Variants in LCMT2 observed in about 807,000 individuals in gnomAD.
The protein encoded by LCMT2 is tRNA wybutosine-synthesizing protein 4.
In LCMT2, 34 loss-of-function variants were observed where a neutral mutation model predicts 42.0. That is an observed-to-expected ratio of 0.81 (90% CI 0.62 to 1.08). LCMT2 has a LOEUF of 1.08. Ranked by LOEUF, LCMT2 falls within the 50% of genes least tolerant of loss-of-function variation. The probability of loss-of-function intolerance (pLI) is 0.00; values close to 1 mark genes in which losing one functional copy is unlikely to be tolerated. For missense variants in LCMT2, 1,091 were observed against 889.4 expected, an observed-to-expected ratio of 1.23 and a Z score of -2.88; for synonymous variants, 445 against 369.5, an observed-to-expected ratio of 1.20 and a Z score of -2.34.
chr15:43,329,901 C>G lies in LCMT2; in HGVS notation c.589G>C (p.Glu197Gln), dbSNP rs1393745037. 6.2e-7 allele frequency: 1 copy of G among 1,613,062 alleles called. No individual in the cohort carries two copies. Among genetic ancestry groups the G allele is most frequent in the East Asian group, 2.2e-5 (1 of 44,864 alleles). Residue 197 changes from glutamate (E) to glutamine (Q), a missense_variant, in exon 1 of 1, where the codon GAG (glutamate) becomes CAG (glutamine). Coordinates refer to ENST00000305641, the MANE Select transcript of LCMT2 (RefSeq NM_014793.5). ...CAGGCGATGAGGGCCGCGGCACTCTCCGGCTCGAGGTAGGTCAGCACCGCC... is the reference window on the plus strand; with the variant it reads ...CAGGCGATGAGGGCCGCGGCACTCTGCGGCTCGAGGTAGGTCAGCACCGCC... ...AEAVLTYLEP[E>Q]SAAALIAWAA... is the part of the protein sequence containing the mutation.
At position 43,328,913 on chromosome 15, in the gene LCMT2, A is replaced by C. The variant is rs967954927; in HGVS notation, c.1577T>G (p.Val526Gly). Residue 526 changes from valine (V) to glycine (G), a missense_variant, in exon 1 of 1, where the codon GTG becomes GGG. Val to Gly is a moderately radical substitution (Grantham distance 109). Coordinates refer to ENST00000305641, the MANE Select transcript of LCMT2 (RefSeq NM_014793.5). Reference sequence around the variant, plus strand: ...CCGGGCTTCAGGTACTTCTCCCTCCACTGGGATCCTGACCCAAGCCATTGT... The same window carrying C: ...CCGGGCTTCAGGTACTTCTCCCTCCCCTGGGATCCTGACCCAAGCCATTGT... ...VGTMAWVRIP[V>G]EGEVPEARHS... 1.9e-6 allele frequency: 3 copies of C among 1,613,866 alleles called. No individual in the cohort carries two copies. The African/African-American group carries it at 4.0e-5, about 22-fold the overall frequency.
At position 43,328,533 on chromosome 15, in the gene LCMT2, G is replaced by A. The variant is rs946538066; in HGVS notation, c.1957C>T (p.Gln653Ter). 1 of 1,614,094 alleles carries A rather than the reference G, an allele frequency of 6.2e-7. No individual in the cohort carries two copies. The highest frequency in any genetic ancestry group is 8.5e-7 in the Non-Finnish European group (1 of 1,180,038). ...HTSILLPEEQ[Q>*]LLLLGGGGNC... ...CCACCACCTCCAAGGAGCAGGAGCT[G>A]TTGCTCTTCAGGAAGAAGGATACTA... is the stretch of plus-strand genomic sequence containing the variant. The change falls in exon 1 of 1, where the codon CAG (glutamine) becomes TAG (stop). Residue 653 changes from glutamine to a stop codon, truncating the protein, a stop_gained. Coordinates refer to ENST00000305641, the MANE Select transcript of LCMT2 (RefSeq NM_014793.5). LOFTEE classifies it high-confidence loss of function.
chr15:43,330,570 A>G lies in LCMT2; in HGVS notation c.-81T>C. 1 of 1,453,024 alleles carries G rather than the reference A, an allele frequency of 6.9e-7. No homozygotes were observed. Among genetic ancestry groups the G allele is most frequent in the Non-Finnish European group, 9.1e-7 (1 of 1,104,256 alleles). The allele number at this position is 1,453,024 out of a possible 1,614,324, so 90.0% of individuals were successfully genotyped here. A position where few individuals can be genotyped will look rare whatever the true frequency, so the allele number is the denominator to read the frequency against. On this transcript the variant is annotated 5_prime_UTR_variant, in exon 1 of 1. Transcript: ENST00000305641. ...TAGCACACACCTCACGGACCTCGGT[A>G]GGGGGAAAAAAACCACCCATGCTCC...
rs2043124869 is a variant in LCMT2, at chr15:43,327,647, G to T, written c.*782C>A. On this transcript the variant is annotated 3_prime_UTR_variant, in exon 1 of 1. Coordinates refer to ENST00000305641, the MANE Select transcript of LCMT2 (RefSeq NM_014793.5). The stretch of plus-strand genomic sequence containing the variant: ...TTCCCCTCTGGTGCCTCTGACTGGT[G>T]GAACTCAACCAAAAAGTAAAGAGAG... 1 of 152,164 alleles carries T rather than the reference G, an allele frequency of 6.6e-6. No individual in the cohort carries two copies. The allele number at this position is 152,164 out of a possible 1,614,324, so 9.4% of individuals were successfully genotyped here.
rs969335619 is a variant in LCMT2 at position 43,330,197 on chromosome 15, C to T, written c.293G>A (p.Arg98His). 1 of 1,611,584 alleles carries T rather than the reference C, an allele frequency of 6.2e-7. No homozygotes were observed. The highest frequency in any genetic ancestry group is 8.5e-7 in the Non-Finnish European group (1 of 1,179,890). Residue 98 changes from arginine to histidine, a missense_variant, in exon 1 of 1, where the codon CGC (arginine) becomes CAC (histidine). Arg to His is a conservative substitution (Grantham distance 29, BLOSUM62 0). Transcript: ENST00000305641. ...LGAGFDSLYF[R>H]LKTAGRLARA... is the part of the protein sequence containing the mutation. ...GGCCAGGCGGCCCGCGGTTTTTAAG[C>T]GAAAATAGAGCGAGTCGAAGCCAGC...
Position 43,330,563 on chromosome 15 carries a change from C to T in LCMT2, c.-74G>A, listed in dbSNP as rs2043181545. 1.4e-6 allele frequency: 2 copies of T among 1,467,190 alleles called. No homozygotes were observed. The highest frequency in any genetic ancestry group is 1.5e-5 in the South Asian group (1 of 68,368). 90.9% of individuals were successfully genotyped at this position (1,467,190 alleles called of 1,614,324 possible). On this transcript the variant is annotated 5_prime_UTR_variant, in exon 1 of 1. Coordinates refer to ENST00000305641, the MANE Select transcript of LCMT2 (RefSeq NM_014793.5). The stretch of plus-strand genomic sequence containing the variant: ...CCTTGGTTAGCACACACCTCACGGA[C>T]CTCGGTAGGGGGAAAAAAACCACCC...
At position 43,328,458 on chromosome 15, in the gene LCMT2, C is replaced by T. The variant is rs554972073; in HGVS notation, c.2032G>A (p.Asp678Asn). The T allele has an allele frequency of 1.2e-6, 2 of 1,614,018 alleles. No individual in the cohort carries two copies. Among genetic ancestry groups the T allele is most frequent in the Non-Finnish European group, 1.7e-6 (2 of 1,179,974 alleles). The stretch of plus-strand genomic sequence containing the variant: ...TGCCCAGCACTTAAGGAAGAAAGGT[C>T]TAATGTGACTGTATGGGGGTTGAAG... ...TYFNPHTVTL[D>N]LSSLSAGQ The change falls in exon 1 of 1, where the codon GAC becomes AAC. Residue 678 changes from aspartate (D) to asparagine (N), a missense_variant. Coordinates refer to ENST00000305641, the MANE Select transcript of LCMT2 (RefSeq NM_014793.5).
chr15:43,330,366 C>G lies in LCMT2; in HGVS notation c.124G>C (p.Val42Leu). 1 of 1,604,604 alleles carries G rather than the reference C, an allele frequency of 6.2e-7. No homozygotes were observed. Among genetic ancestry groups the G allele is most frequent in the Non-Finnish European group, 8.5e-7 (1 of 1,178,478 alleles). ...GGTGCGCGGCGCGCCGCGCCCGGAA[C>G]CAGCAACGCGGCAAAGGGGTCCTGC... ...YVQDPFAALL[V>L]PGAARRAPLI... is the part of the protein sequence containing the mutation. Residue 42 changes from valine to leucine, a missense_variant, in exon 1 of 1, where the codon GTT (valine) becomes CTT (leucine). Coordinates refer to ENST00000305641, the MANE Select transcript of LCMT2 (RefSeq NM_014793.5).
At position 43,329,623 on chromosome 15, in the gene LCMT2, A is replaced by G. The variant is rs1260265287; in HGVS notation, c.867T>C (p.Asn289=). 1.9e-6 allele frequency: 3 copies of G among 1,613,998 alleles called. No homozygotes were observed. The highest frequency in any genetic ancestry group is 2.5e-6 in the Non-Finnish European group (3 of 1,180,004). ...CCTCAAATTCGTCAAAGGGTTCAAT[A>G]TTTTCCACCCGCCGGCGTTCTTCTG... The part of the protein sequence containing the change: ...LPAEERRRVE[N]IEPFDEFEEW... The change falls in exon 1 of 1, where the codon AAT becomes AAC. Residue 289 remains asparagine (N), a synonymous_variant. Transcript: ENST00000305641.
At position 43,330,362 on chromosome 15, in the gene LCMT2, G is replaced by A. The variant is rs1025549028; in HGVS notation, c.128C>T (p.Pro43Leu). The change falls in exon 1 of 1, where the codon CCG (proline) becomes CTG (leucine). Residue 43 changes from proline (P) to leucine (L), a missense_variant. Coordinates refer to ENST00000305641, the MANE Select transcript of LCMT2 (RefSeq NM_014793.5). The part of the protein sequence containing the change: ...VQDPFAALLV[P>L]GAARRAPLIH... Reference sequence around the variant, plus strand: ...GAGCGGTGCGCGGCGCGCCGCGCCCGGAACCAGCAACGCGGCAAAGGGGTC... The same window carrying A: ...GAGCGGTGCGCGGCGCGCCGCGCCCAGAACCAGCAACGCGGCAAAGGGGTC... 2.0e-6 allele frequency: 3 copies of A among 1,529,172 alleles called. No homozygotes were observed. The highest frequency in any genetic ancestry group is 1.1e-5 in the South Asian group (1 of 89,384). 94.7% of individuals were successfully genotyped at this position (1,529,172 alleles called of 1,614,324 possible).
In LCMT2 at chr15:43,330,203, T is replaced by C; in HGVS notation, c.287A>G (p.Tyr96Cys). Residue 96 changes from tyrosine to cysteine, a missense_variant, in exon 1 of 1, where the codon TAT (tyrosine) becomes TGT (cysteine). Coordinates refer to ENST00000305641, the MANE Select transcript of LCMT2 (RefSeq NM_014793.5). Reference sequence around the variant, plus strand: ...GCGGCCCGCGGTTTTTAAGCGAAAATAGAGCGAGTCGAAGCCAGCGCCGAG... The same window carrying C: ...GCGGCCCGCGGTTTTTAAGCGAAAACAGAGCGAGTCGAAGCCAGCGCCGAG... ...LSLGAGFDSL[Y>C]FRLKTAGRLA... The C allele has an allele frequency of 6.2e-7, 1 of 1,611,020 alleles. No homozygotes were observed. The highest frequency in any genetic ancestry group is 8.5e-7 in the Non-Finnish European group (1 of 1,179,714).
At position 43,323,769 on chromosome 15, in the gene LCMT2, A is replaced by C. The variant is rs1379681128; in HGVS notation, c.*4660T>G. 1.3e-5 allele frequency: 2 copies of C among 152,228 alleles called. No homozygotes were observed. The highest frequency in any genetic ancestry group is 4.8e-5 in the African/African-American group (2 of 41,456). 9.4% of individuals were successfully genotyped at this position (152,228 alleles called of 1,614,324 possible). A position where few individuals can be genotyped will look rare whatever the true frequency, so the allele number is the denominator to read the frequency against. ...AAGACTCTTAAACTGTGGGTTCTTT[A>C]AAATTTTAATGCTTACCTCCCCCTG... is the stretch of plus-strand genomic sequence containing the variant. On this transcript the variant is annotated 3_prime_UTR_variant, in exon 1 of 1. Coordinates refer to ENST00000305641, the MANE Select transcript of LCMT2 (RefSeq NM_014793.5).
At position 43,330,196 on chromosome 15, in the gene LCMT2, G is replaced by A. The variant is rs2043166877; in HGVS notation, c.294C>T (p.Arg98=). The change falls in exon 1 of 1, where the codon CGC becomes CGT. Residue 98 remains arginine, a synonymous_variant. Coordinates refer to ENST00000305641, the MANE Select transcript of LCMT2 (RefSeq NM_014793.5). ...GGGCCAGGCGGCCCGCGGTTTTTAA[G>A]CGAAAATAGAGCGAGTCGAAGCCAG... ...LGAGFDSLYF[R]LKTAGRLARA... 1.2e-6 allele frequency: 2 copies of A among 1,611,660 alleles called. No homozygotes were observed. The highest frequency in any genetic ancestry group is 1.7e-6 in the Non-Finnish European group (2 of 1,179,884).
rs766487500 is a variant in LCMT2 at position 43,329,123 on chromosome 15, T to A, written c.1367A>T (p.Asp456Val). ...CACTTTCAGGTCCTCAGTGTTATTA[T>A]CCTCACTCTTAAAAAAATGAAGCTG... ...VLQLHFFKSEDNNTEDLKVTI... is the reference protein window; with the variant it reads ...VLQLHFFKSEVNNTEDLKVTI... The change falls in exon 1 of 1, where the codon GAT becomes GTT. Residue 456 changes from aspartate (D) to valine (V), a missense_variant. Transcript: ENST00000305641. 1.9e-6 allele frequency: 3 copies of A among 1,614,038 alleles called. No homozygotes were observed. The Admixed American group carries it at 5.0e-5, about 27-fold the overall frequency.
At position 43,328,545 on chromosome 15, in the gene LCMT2, G is replaced by C. The variant is rs769739634; in HGVS notation, c.1945C>G (p.Pro649Ala). 118 of 1,613,982 alleles carry C rather than the reference G, an allele frequency of 7.3e-5. No individual in the cohort carries two copies. Among genetic ancestry groups the C allele is most frequent in the Non-Finnish European group, 9.7e-5 (114 of 1,179,964 alleles). The stretch of plus-strand genomic sequence containing the variant: ...AGGAGCAGGAGCTGTTGCTCTTCAG[G>C]AAGAAGGATACTAGTATGGTTGTGT... ...MLHNHTSILL[P>A]EEQQLLLLGG... The change falls in exon 1 of 1, where the codon CCT becomes GCT. Residue 649 changes from proline to alanine, a missense_variant. Physicochemically the swap from Pro to Ala is conservative, Grantham distance 27. Transcript: ENST00000305641.
In LCMT2 at chr15:43,330,050, G is replaced by A. The variant is rs774771651; in HGVS notation, c.440C>T (p.Ala147Val). The A allele has an allele frequency of 1.2e-6, 2 of 1,612,320 alleles. No homozygotes were observed. Among genetic ancestry groups the A allele is most frequent in the Non-Finnish European group, 1.7e-6 (2 of 1,179,944 alleles). The change falls in exon 1 of 1, where the codon GCG (alanine) becomes GTG (valine). Residue 147 changes from alanine to valine, a missense_variant. Physicochemically the swap from Ala to Val is moderately conservative, Grantham distance 64. Transcript: ENST00000305641. ...GPFERGEPAS[A>V]LCFESADYCI... ...GTAGTCTGCGCTCTCAAAGCACAGC[G>A]CGGACGCGGGCTCCCCCCTCTCGAA... is the stretch of plus-strand genomic sequence containing the variant.
chr15:43,329,804 T>C lies in LCMT2; in HGVS notation c.686A>G (p.Gln229Arg). ...EQMRPQDAFG[Q>R]FMLQHFRQLN... is the part of the protein sequence containing the mutation. ...CTGCCGAAAATGTTGCAGCATGAAC[T>C]GGCCAAAGGCGTCTTGAGGCCTCAT... The change falls in exon 1 of 1, where the codon CAG becomes CGG. Residue 229 changes from glutamine to arginine, a missense_variant. Gln to Arg is a conservative substitution (Grantham distance 43, BLOSUM62 1). Coordinates refer to ENST00000305641, the MANE Select transcript of LCMT2 (RefSeq NM_014793.5). 1 of 1,613,904 alleles carries C rather than the reference T, an allele frequency of 6.2e-7. No individual in the cohort carries two copies. Among genetic ancestry groups the C allele is most frequent in the Non-Finnish European group, 8.5e-7 (1 of 1,180,038 alleles).
In LCMT2 at chr15:43,330,197, C is replaced by A; in HGVS notation, c.293G>T (p.Arg98Leu). The change falls in exon 1 of 1, where the codon CGC (arginine) becomes CTC (leucine). Residue 98 changes from arginine (R) to leucine (L), a missense_variant. Physicochemically the swap from Arg to Leu is moderately radical, Grantham distance 102. Coordinates refer to ENST00000305641, the MANE Select transcript of LCMT2 (RefSeq NM_014793.5). The stretch of plus-strand genomic sequence containing the variant: ...GGCCAGGCGGCCCGCGGTTTTTAAG[C>A]GAAAATAGAGCGAGTCGAAGCCAGC... ...LGAGFDSLYF[R>L]LKTAGRLARA... 2 of 1,611,702 alleles carry A rather than the reference C, an allele frequency of 1.2e-6. No homozygotes were observed.
chr15:43,330,177 G>C lies in LCMT2; in HGVS notation c.313C>G (p.Leu105Val), dbSNP rs572418489. 8.2e-5 allele frequency: 132 copies of C among 1,611,672 alleles called. 2 individuals are homozygous for C. In the South Asian group the frequency reaches 1.4e-3, roughly 17 times the overall value. The change falls in exon 1 of 1, where the codon CTG becomes GTG. Residue 105 changes from leucine (L) to valine (V), a missense_variant. Physicochemically the swap from Leu to Val is conservative, Grantham distance 32. Coordinates refer to ENST00000305641, the MANE Select transcript of LCMT2 (RefSeq NM_014793.5). ...ACCTCCCAGACTGCAGCCCGGGCCAGGCGGCCCGCGGTTTTTAAGCGAAAA... is the reference window on the plus strand; with the variant it reads ...ACCTCCCAGACTGCAGCCCGGGCCACGCGGCCCGCGGTTTTTAAGCGAAAA... ...LYFRLKTAGR[L>V]ARAAVWEVDF... is the part of the protein sequence containing the mutation.
Sources: allele counts gnomAD v4.1 joint callset, GRCh38; gene constraint gnomAD v4.1.1; transcripts MANE v1.5; gene names NCBI Gene and HGNC (gene_info 2026-07-23, HGNC 2026-07-21).